The following RPL37A variants were observed in gnomAD, a reference collection of about 807,000 sequenced individuals.
The protein encoded by RPL37A is ribosomal protein L37a, also known as large ribosomal subunit protein eL43.
A neutral mutation model predicts 13.6 loss-of-function variants in RPL37A; 5 were observed. The observed-to-expected ratio is 0.37, with a 90% CI of 0.19 to 0.78. The LOEUF (loss-of-function observed/expected upper bound fraction) is 0.78. Ranked by LOEUF, RPL37A falls within the 30% of genes least tolerant of loss-of-function variation. The probability of loss-of-function intolerance (pLI) is 0.49; values close to 1 mark genes in which losing one functional copy is unlikely to be tolerated. For missense variants in RPL37A, 77 were observed against 120.0 expected (o/e 0.64, Z 1.67); for synonymous variants, 50 against 44.4 (o/e 1.13, Z -0.50).
At chr2:216,500,853 G>C (rs1020873376) in intron 3 of RPL37A, 1 of 152,356 alleles carries the variant, frequency 6.6e-6, no homozygotes, top group African/African-American at 2.4e-5. Context: ...TTTAGTGTCC[G>C]CTCTTATTTC....
chr2:216,499,086 G>A (rs1695551388), intron 1 of RPL37A, 184 bp from the exon 2 acceptor site: 2 of 1,132,050 alleles, frequency 1.8e-6, no homozygotes, highest in South Asian at 1.6e-5. Flanking sequence ...GGTTAACGCC[G>A]GGCCTTCGGA....
chr2:216,502,530 TGTA>T lies in RPL37A; in HGVS notation c.*1130_*1132del, dbSNP rs1167278865. 2 of 152,224 alleles carry T rather than the reference TGTA, an allele frequency of 1.3e-5. No homozygotes were observed. The highest frequency in any genetic ancestry group is 2.9e-5 in the Non-Finnish European group (2 of 68,038). 9.4% of individuals were successfully genotyped at this position (152,224 alleles called of 1,614,324 possible). On this transcript the variant is annotated 3_prime_UTR_variant, in exon 4 of 4. Coordinates refer to ENST00000491306, the MANE Select transcript of RPL37A (RefSeq NM_000998.5). Reference sequence around the variant, plus strand: ...GATTGATTTCAGATTGACAGATGGTTGTAGTAACAAAAAAATGAATTGCCTTGG... The same window carrying T: ...GATTGATTTCAGATTGACAGATGGTTGTAACAAAAAAATGAATTGCCTTGG...
chr2:216,499,235 G>C (rs1267947845), intron 1 of RPL37A, 35 bp from the exon 2 acceptor site: 1 of 1,600,356 alleles, frequency 6.2e-7, no homozygotes, highest in East Asian at 2.2e-5. Flanking sequence ...CTGGGTTCCA[G>C]GTCTATCACT....
intron 1 of RPL37A, 144 bp downstream of exon 1, chr2:216,499,021 C>T: frequency 1.5e-6 from 2 of 1,331,798 alleles, no homozygotes; most frequent in Admixed American, 2.1e-5. Context: ...TTGTCGGAAG[C>T]TCCCCAAGGC....
At chr2:216,499,117 A>C in intron 1 of RPL37A, 153 bp from the exon 2 acceptor site, 1 of 1,210,306 alleles carries the variant, frequency 8.3e-7, no homozygotes, top group Non-Finnish European at 1.2e-6. Context: ...AGCCCTGGGC[A>C]CTGGTTTCGT....
chr2:216,499,929 A>C lies in RPL37A; in HGVS notation c.133-20A>C, dbSNP rs776560703. 5.0e-6 allele frequency: 8 copies of C among 1,604,212 alleles called. No individual in the cohort carries two copies. Among genetic ancestry groups the C allele is most frequent in the Non-Finnish European group, 6.8e-6 (8 of 1,171,020 alleles). On this transcript the variant is annotated intron_variant, in intron 2 of 3. Transcript: ENST00000491306. ...AAAATACTTACTTGGTTCATAGTGA[A>C]AATTGGTTCTCTTTTATAGACCAAG... is the stretch of plus-strand genomic sequence containing the variant.
Position 216,502,968 on chromosome 2 carries a change from G to T in RPL37A, c.*1564G>T, listed in dbSNP as rs1235958578. The T allele has an allele frequency of 6.6e-6, 1 of 152,250 alleles. No individual in the cohort carries two copies. Among genetic ancestry groups the T allele is most frequent in the South Asian group, 2.1e-4 (1 of 4,826 alleles). 9.4% of individuals were successfully genotyped at this position (152,250 alleles called of 1,614,324 possible). On this transcript the variant is annotated 3_prime_UTR_variant, in exon 4 of 4. Coordinates refer to ENST00000491306, the MANE Select transcript of RPL37A (RefSeq NM_000998.5). ...TAACTCATCTGTGGATCTCATTTGTGTCACAAAATGGTACTCCTACTGATT... is the reference window on the plus strand; with the variant it reads ...TAACTCATCTGTGGATCTCATTTGTTTCACAAAATGGTACTCCTACTGATT...
rs923591254 is a variant in RPL37A, at chr2:216,502,035, A to G, written c.*631A>G. The G allele has an allele frequency of 6.6e-6, 1 of 152,006 alleles. No individual in the cohort carries two copies. Among genetic ancestry groups the G allele is most frequent in the Non-Finnish European group, 1.5e-5 (1 of 68,020 alleles). The allele number at this position is 152,006 out of a possible 1,614,324, so 9.4% of individuals were successfully genotyped here. A position where few individuals can be genotyped will look rare whatever the true frequency, so the allele number is the denominator to read the frequency against. On this transcript the variant is annotated 3_prime_UTR_variant, in exon 4 of 4. Transcript: ENST00000491306. ...CCAGCCTTGCATTTAATATTTTTAT[A>G]ATGTGTCTAGGCTGGGTGCGGTGAC...
Position 216,502,402 on chromosome 2 carries a change from A to G in RPL37A, c.*998A>G, listed in dbSNP as rs1695615296. The G allele has an allele frequency of 1.3e-5, 2 of 152,234 alleles. No homozygotes were observed. The highest frequency in any genetic ancestry group is 2.4e-5 in the African/African-American group (1 of 41,470). 9.4% of individuals were successfully genotyped at this position (152,234 alleles called of 1,614,324 possible). A position where few individuals can be genotyped will look rare whatever the true frequency, so the allele number is the denominator to read the frequency against. ...TCTTCTATGATGTTTCATTTGACCT[A>G]CACCATCAGCATCTTCAGGAAACAG... is the stretch of plus-strand genomic sequence containing the variant. On this transcript the variant is annotated 3_prime_UTR_variant, in exon 4 of 4. Transcript: ENST00000491306.
intron 2 of RPL37A, 52 bp downstream of exon 2, chr2:216,499,450 C>A: frequency 1.3e-6 from 2 of 1,596,562 alleles, no homozygotes; most frequent in Non-Finnish European, 1.7e-6. Flanking sequence ...GGTTTCTTAC[C>A]CAAGTGAGGC....
In RPL37A at chr2:216,503,050, C is replaced by T. The variant is rs1245145949; in HGVS notation, c.*1646C>T. On this transcript the variant is annotated 3_prime_UTR_variant, in exon 4 of 4. Coordinates refer to ENST00000491306, the MANE Select transcript of RPL37A (RefSeq NM_000998.5). ...AGGGGTAGGACCAGGAGTGACAAGT[C>T]AGGATTTTCAGGCTTCATAGGAATG... 1.3e-5 allele frequency: 2 copies of T among 152,248 alleles called. No homozygotes were observed. Among genetic ancestry groups the T allele is most frequent in the Middle Eastern group, 3.4e-3 (1 of 294 alleles). 9.4% of individuals were successfully genotyped at this position (152,248 alleles called of 1,614,324 possible).
Position 216,499,515 on chromosome 2 carries a change from T to C in RPL37A, c.132+117T>C, listed in dbSNP as rs535588126. On this transcript the variant is annotated intron_variant, in intron 2 of 3. Transcript: ENST00000491306. The stretch of plus-strand genomic sequence containing the variant: ...GCTGGTGGGCAGTTGGAATTACTCA[T>C]ACCGTTGATTATGAGTTTTAAGATA... 326 of 1,182,878 alleles carry C rather than the reference T, an allele frequency of 2.8e-4. 1 individual carries two copies. The highest frequency in any genetic ancestry group is 3.5e-4 in the Non-Finnish European group (300 of 848,496). The allele number at this position is 1,182,878 out of a possible 1,614,324, so 73.3% of individuals were successfully genotyped here.
chr2:216,501,283 T>A (rs1695596795), intron 3 of RPL37A, 58 bp from the exon 4 acceptor site: 1 of 1,430,398 alleles, frequency 7.0e-7, no homozygotes, highest in African/African-American at 1.4e-5. Context: ...ATTTACTTAT[T>A]TGCCATTTTC....
Position 216,499,669 on chromosome 2 carries a change from A to G in RPL37A, c.132+271A>G, listed in dbSNP as rs1027880090. 1.7e-5 allele frequency: 11 copies of G among 631,974 alleles called. No individual in the cohort carries two copies. In the African/African-American group the frequency reaches 1.8e-4, roughly 10 times the overall value. 39.1% of individuals were successfully genotyped at this position (631,974 alleles called of 1,614,324 possible). ...CTAAGCCAAACCTGCTTTGTGGGAA[A>G]TGATTCCATCAGTTTTGTCTACTGA... On this transcript the variant is annotated intron_variant, in intron 2 of 3. Transcript: ENST00000491306.
At chr2:216,501,201 T>G in intron 3 of RPL37A, 140 bp from the exon 4 acceptor site, 1 of 617,990 alleles carries the variant, frequency 1.6e-6, no homozygotes, top group Non-Finnish European at 2.9e-6. Context: ...AAAGTATTGG[T>G]AGAGCAGTCT....
rs1374988261 is a variant in RPL37A, at chr2:216,502,760, CAG to C, written c.*1359_*1360del. The C allele has an allele frequency of 6.6e-6, 1 of 152,204 alleles. No individual in the cohort carries two copies. The highest frequency in any genetic ancestry group is 1.5e-5 in the Non-Finnish European group (1 of 68,028). 9.4% of individuals were successfully genotyped at this position (152,204 alleles called of 1,614,324 possible). On this transcript the variant is annotated 3_prime_UTR_variant, in exon 4 of 4. Transcript: ENST00000491306. Reference sequence around the variant, plus strand: ...ATGTGGATTTACTTCATCTTTAGGACAGAGTAAAAACCTTTATTTCACTTGGT... The same window carrying C: ...ATGTGGATTTACTTCATCTTTAGGACAGTAAAAACCTTTATTTCACTTGGT...
chr2:216,499,314 C>T lies in RPL37A; in HGVS notation c.48C>T (p.Thr16=), dbSNP rs771137964. 1 of 1,613,942 alleles carries T rather than the reference C, an allele frequency of 6.2e-7. No individual in the cohort carries two copies. Among genetic ancestry groups the T allele is most frequent in the African/African-American group, 1.3e-5 (1 of 75,044 alleles). Residue 16 remains threonine, a synonymous_variant, in exon 2 of 4, where the codon ACC becomes ACT. Transcript: ENST00000491306. ...TCGGGATCGTCGGTAAATACGGGAC[C>T]CGCTATGGGGCCTCCCTCCGGAAAA... ...KKVGIVGKYG[T]RYGASLRKMV...
At position 216,498,888 on chromosome 2, in the gene RPL37A, G is replaced by A. The variant is rs374373546; in HGVS notation, c.3+11G>A. ...GGTCGCGGCGACATGGTGAGTGTGG[G>A]TCTCTGTGCGGCCTAGAACTCTATC... On this transcript the variant is annotated intron_variant, in intron 1 of 3. Coordinates refer to ENST00000491306, the MANE Select transcript of RPL37A (RefSeq NM_000998.5). The A allele has an allele frequency of 1.0e-4, 167 of 1,613,710 alleles. No homozygotes were observed. Among genetic ancestry groups the A allele is most frequent in the Non-Finnish European group, 1.3e-4 (149 of 1,179,850 alleles).
chr2:216,498,964 C>A, intron 1 of RPL37A, 87 bp downstream of exon 1: 2 of 1,556,382 alleles, frequency 1.3e-6, no homozygotes, highest in Non-Finnish European at 1.8e-6. Flanking sequence ...CCTCTCCTGC[C>A]TTACCCCGTG....
Sources: gnomAD v4.1 joint callset for allele counts on GRCh38, gnomAD v4.1.1 for gene constraint, MANE v1.5 for transcripts, NCBI Gene and HGNC (gene_info 2026-07-23, HGNC 2026-07-21) for gene names.